The following ZNF76 variants were observed in gnomAD, a reference collection of about 807,000 sequenced individuals.
ZNF76 encodes the protein zinc finger protein 523.
ZNF76 carries 66 observed loss-of-function variants against 66.9 expected under a neutral mutation model. The ratio of observed to expected loss-of-function variants is 0.99; its 90% CI spans 0.81 to 1.21. The LOEUF (loss-of-function observed/expected upper bound fraction) is 1.21, where lower values mean the gene tolerates loss of function less well. Ranked by LOEUF, ZNF76 falls within the 50% of genes most tolerant of loss-of-function variation. ZNF76 has a pLI of 0.00. For synonymous variants in ZNF76, 275 were observed against 296.1 expected (o/e 0.93, Z 0.73); for missense variants, 729 against 760.3 (o/e 0.96, Z 0.48).
chr6:35,260,114 A>G (rs578047293), intron 1 of ZNF76, among the ~76,000 whole-genome samples: 163 of 125,082 alleles, frequency 1.3e-3, no homozygotes, highest in African/African-American at 4.5e-3. Flanking sequence ...CACTGACCCC[A>G]AGACCTCACC....
At chr6:35,286,064 A>T (rs1789517260) in intron 2 of ZNF76, 64 bp from the exon 3 acceptor site, 2 of 1,483,640 alleles carry the variant, frequency 1.3e-6, no homozygotes, top group Admixed American at 3.4e-5. Flanking sequence ...AGCTAAAAAC[A>T]GGCAGGCGTT....
chr6:35,294,746 G>A (rs140072237), intron 13 of ZNF76, 177 bp downstream of exon 13: 88 of 662,444 alleles, frequency 1.3e-4, no homozygotes, highest in African/African-American at 1.3e-3. Flanking sequence ...GCTCTTGGCT[G>A]AGGCAGAATG....
intron 1 of ZNF76, among the ~76,000 whole-genome samples, chr6:35,265,383 T>C (rs1026404469): frequency 3.3e-5 from 5 of 151,952 alleles, no homozygotes; most frequent in African/African-American, 1.2e-4. Flanking sequence ...GGCAGGCACC[T>C]GTAATCCCAG....
intron 1 of ZNF76, among the ~76,000 whole-genome samples, chr6:35,260,067 G>T (rs1784977726): frequency 7.7e-6 from 1 of 129,124 alleles, no homozygotes; most frequent in African/African-American, 2.9e-5. Context: ...ACCCCGTGAC[G>T]GCGCCCGCCT....
rs1261755282 is a variant in ZNF76, at chr6:35,295,365, G to A, written c.*117G>A. On this transcript the variant is annotated 3_prime_UTR_variant, in exon 14 of 14. Transcript: ENST00000373953. ...TAGAAGGTGGCCACATAGGTCTCTG[G>A]GGTGAGAAGACAGCAAGAAAACTGC... The A allele has an allele frequency of 1.1e-6, 1 of 878,414 alleles. No homozygotes were observed. The highest frequency in any genetic ancestry group is 2.0e-5 in the Admixed American group (1 of 50,000). The allele number at this position is 878,414 out of a possible 1,614,324, so 54.4% of individuals were successfully genotyped here. A position where few individuals can be genotyped will look rare whatever the true frequency, so the allele number is the denominator to read the frequency against.
chr6:35,288,995 A>G (rs1459551836), intron 5 of ZNF76, among the ~76,000 whole-genome samples: 3 of 151,412 alleles, frequency 2.0e-5, no homozygotes, highest in Non-Finnish European at 4.4e-5. Flanking sequence ...ACAGTAGGCT[A>G]CATTCACTCC....
intron 7 of ZNF76, 137 bp downstream of exon 7, chr6:35,290,853 C>T (rs1790278487): frequency 2.4e-6 from 2 of 820,516 alleles, no homozygotes; most frequent in Admixed American, 2.3e-5. Context: ...GCAGGGTGCT[C>T]TCTCTGGAGG....
chr6:35,274,233 A>T (rs934281700), intron 1 of ZNF76, among the ~76,000 whole-genome samples: 1 of 152,364 alleles, frequency 6.6e-6, no homozygotes, highest in East Asian at 1.9e-4. Context: ...ATCAAAATTG[A>T]ACATTCTTTT....
chr6:35,291,909 AT>A, intron 9 of ZNF76, 172 bp downstream of exon 9: 1 of 713,978 alleles, frequency 1.4e-6, no homozygotes, highest in Non-Finnish European at 2.3e-6. Flanking sequence ...GCAGTGAGTA[AT>A]TCCTCAATTT....
chr6:35,288,184 G>A, intron 5 of ZNF76: 1 of 520,960 alleles, frequency 1.9e-6, no homozygotes, highest in Non-Finnish European at 3.7e-6. Flanking sequence ...GGCTGCTGTA[G>A]TAATCCTCTG....
chr6:35,259,541 C>T (rs1784859850), upstream of ZNF76: 3 of 152,236 alleles, frequency 2.0e-5, no homozygotes, highest in Admixed American at 2.0e-4. Flanking sequence ...CCGAAGAGCT[C>T]GGTTCAGATC....
intron 1 of ZNF76, among the ~76,000 whole-genome samples, chr6:35,274,105 C>T (rs1787542520): frequency 1.3e-5 from 2 of 152,354 alleles, no homozygotes; most frequent in Admixed American, 6.5e-5. Flanking sequence ...GTTTGCCACT[C>T]ATCTTCATCA....
chr6:35,281,164 G>A lies in ZNF76; in HGVS notation c.13G>A (p.Gly5Arg). The A allele has an allele frequency of 2.5e-6, 4 of 1,613,972 alleles. No homozygotes were observed. Among genetic ancestry groups the A allele is most frequent in the Non-Finnish European group, 3.4e-6 (4 of 1,180,012 alleles). ...GCAGCAGTTTGCCATGGAGAGCTTG[G>A]GGCTGCACACGGTGACCCTTAGTGA... MESL[G>R]LHTVTLSDGT... is the part of the protein sequence containing the mutation. The change falls in exon 2 of 14, where the codon GGG (glycine) becomes AGG (arginine). Residue 5 changes from glycine (G) to arginine (R), a missense_variant. Physicochemically the swap from Gly to Arg is moderately radical, Grantham distance 125. Transcript: ENST00000373953.
chr6:35,286,868 G>A (rs549448418), intron 4 of ZNF76: 9 of 200,128 alleles, frequency 4.5e-5, no homozygotes, highest in South Asian at 2.8e-4. Flanking sequence ...CACAGTCCCC[G>A]CTCTCCTAGA....
rs944728586 is a variant in ZNF76 at position 35,287,665 on chromosome 6, C to T, written c.252C>T (p.Thr84=). ...RTPREGYDPS[T]LEAVQLEDGS... ...CTGCAGAAGGCTATGACCCCAGCAC[C>T]CTGGAAGCCGTCCAACTGGAAGATG... Residue 84 remains threonine, a synonymous_variant, in exon 5 of 14, where the codon ACC becomes ACT. Transcript: ENST00000373953. The surrounding 1 kb of genome is among the most constrained non-coding windows in gnomAD (Gnocchi z 4.0). 2 of 1,613,206 alleles carry T rather than the reference C, an allele frequency of 1.2e-6. No homozygotes were observed. The highest frequency in any genetic ancestry group is 1.1e-5 in the South Asian group (1 of 90,966).
At chr6:35,280,760 G>T (rs552376641) in intron 1 of ZNF76, among the ~76,000 whole-genome samples, 15 of 152,202 alleles carry the variant, frequency 9.9e-5, no homozygotes, top group Non-Finnish European at 2.1e-4. Context: ...GGGGTTAACT[G>T]CCTGCCTTCA....
rs1582189339 is a variant in ZNF76, at chr6:35,291,735, C to T, written c.929C>T (p.Thr310Ile). ...TNYKNHVRIH[T>I]GEKPYVCTVP... ...TATAAGAATCACGTGCGCATCCACACAGGTGGGCTAGCTGGCATGCGAGGA... is the reference window on the plus strand; with the variant it reads ...TATAAGAATCACGTGCGCATCCACATAGGTGGGCTAGCTGGCATGCGAGGA... Residue 310 changes from threonine (T) to isoleucine (I), a missense_variant and splice_region_variant, in exon 9 of 14, where the codon ACA becomes ATA. Transcript: ENST00000373953. 1.9e-6 allele frequency: 3 copies of T among 1,606,894 alleles called. No homozygotes were observed. The highest frequency in any genetic ancestry group is 1.3e-5 in the African/African-American group (1 of 74,928).
At chr6:35,260,527 C>T (rs887586081) in intron 1 of ZNF76, among the ~76,000 whole-genome samples, 1 of 152,166 alleles carries the variant, frequency 6.6e-6, no homozygotes, top group Non-Finnish European at 1.5e-5. Context: ...TGTCAATCAG[C>T]ACATGACTTA....
rs1445075543 is a variant in ZNF76 at position 35,295,665 on chromosome 6, C to T, written c.*417C>T. ...CCAGTAGCAGTGGAGCAGGCCCTGT[C>T]CTGCCCTCCCAGCAATAACCACCTC... On this transcript the variant is annotated 3_prime_UTR_variant, in exon 14 of 14. Transcript: ENST00000373953. 3 of 226,978 alleles carry T rather than the reference C, an allele frequency of 1.3e-5. No homozygotes were observed. The highest frequency in any genetic ancestry group is 2.2e-5 in the African/African-American group (1 of 44,986). 14.1% of individuals were successfully genotyped at this position (226,978 alleles called of 1,614,324 possible). A position where few individuals can be genotyped will look rare whatever the true frequency, so the allele number is the denominator to read the frequency against.
Sources: gnomAD v4.1 joint callset for allele counts (sites outside exome capture counted in the v4.1 genomes callset) on GRCh38, gnomAD v4.1.1 for gene constraint, Gnocchi (gnomAD v3.1) non-coding constraint, MANE v1.5 for transcripts, NCBI Gene and HGNC (gene_info 2026-07-23, HGNC 2026-07-21) for gene names.